SF3B2: variants seen among roughly 807,000 people sequenced by gnomAD.
The protein encoded by SF3B2 is splicing factor 3b subunit 2.
A neutral mutation model predicts 116.3 loss-of-function variants in SF3B2; 22 were observed. The ratio of observed to expected loss-of-function variants is 0.19; its 90% confidence interval spans 0.14 to 0.27. SF3B2 has a LOEUF of 0.27. SF3B2 is among the 10% of genes least tolerant of loss of function. The probability of loss-of-function intolerance (pLI) is 1.00; values close to 1 mark genes in which losing one functional copy is unlikely to be tolerated. For synonymous variants in SF3B2, 406 were observed against 421.6 expected (o/e 0.96, Z 0.45); for missense variants, 767 against 1,151.4 (o/e 0.67, Z 4.83).
rs772658586 is a variant in SF3B2, at chr11:66,052,668, T to C, written c.134-5T>C. On this transcript the variant is annotated splice_polypyrimidine_tract_variant and splice_region_variant and intron_variant, in intron 1 of 21. Coordinates refer to ENST00000322535, the MANE Select transcript of SF3B2 (RefSeq NM_006842.3). Reference sequence around the variant, plus strand: ...GCCCCATTGATCGTGTACTTTGCCCTGCAGGTAATCGCGAGGAGCTGGTGG... The same window carrying C: ...GCCCCATTGATCGTGTACTTTGCCCCGCAGGTAATCGCGAGGAGCTGGTGG... 9 of 1,595,604 alleles carry C rather than the reference T, an allele frequency of 5.6e-6. No homozygotes were observed. In the South Asian group the frequency reaches 7.9e-5, roughly 14 times the overall value.
rs1857241559 is a variant in SF3B2, at chr11:66,068,912, C to A, written c.*167C>A. On this transcript the variant is annotated 3_prime_UTR_variant, in exon 22 of 22. Coordinates refer to ENST00000322535, the MANE Select transcript of SF3B2 (RefSeq NM_006842.3). ...AGGAAAGAGATGAATATTTAACACT[C>A]CTGAGCCTCCCTCATCTCCTTTTAG... 1 of 602,450 alleles carries A rather than the reference C, an allele frequency of 1.7e-6. No individual in the cohort carries two copies. The highest frequency in any genetic ancestry group is 3.0e-6 in the Non-Finnish European group (1 of 338,012). 37.3% of individuals were successfully genotyped at this position (602,450 alleles called of 1,614,324 possible).
chr11:66,065,258 G>A (rs1009588935), intron 19 of SF3B2: 1 of 152,186 alleles, frequency 6.6e-6, no homozygotes, highest in Non-Finnish European at 1.5e-5. Context: ...ATGTGTGAGT[G>A]ACCGCATCAG....
At chr11:66,052,573 G>A in intron 1 of SF3B2, 56 bp downstream of exon 1, 1 of 1,595,066 alleles carries the variant, frequency 6.3e-7, no homozygotes, top group Non-Finnish European at 8.5e-7. Flanking sequence ...AGCGGAGCCT[G>A]GTTACCCGGG....
chr11:66,068,507 C>A, intron 21 of SF3B2, 167 bp from the exon 22 acceptor site: 3 of 861,624 alleles, frequency 3.5e-6, no homozygotes, highest in Middle Eastern at 3.6e-4. Flanking sequence ...TCTTTAAGGA[C>A]GATGAGGGGG....
At chr11:66,054,231 A>G (rs1290672539) in intron 3 of SF3B2, among the ~76,000 whole-genome samples, 1 of 150,452 alleles carries the variant, frequency 6.6e-6, no homozygotes, top group Non-Finnish European at 1.5e-5. Context: ...TAATCCCAGC[A>G]CTTTGGGAGG....
At chr11:66,053,535 C>T (rs1451135414) in intron 3 of SF3B2, 2 of 207,438 alleles carry the variant, frequency 9.6e-6, no homozygotes, top group Non-Finnish European at 2.0e-5. Context: ...TAAAAATTAG[C>T]TGGGCACGGT....
chr11:66,063,424 G>T lies in SF3B2; in HGVS notation c.2110G>T (p.Asp704Tyr). The change falls in exon 18 of 22, where the codon GAT (aspartate) becomes TAT (tyrosine). Residue 704 changes from aspartate (D) to tyrosine (Y), a missense_variant. Coordinates refer to ENST00000322535, the MANE Select transcript of SF3B2 (RefSeq NM_006842.3). ...GACCAAGACTGAGGAAGAAGAGATT[G>T]ATCGGACCCCTTGGGGGGAACTGGA... is the stretch of plus-strand genomic sequence containing the variant. ...FQTKTEEEEI[D>Y]RTPWGELEPS... 6.2e-7 allele frequency: 1 copy of T among 1,613,764 alleles called. No individual in the cohort carries two copies. Among genetic ancestry groups the T allele is most frequent in the Non-Finnish European group, 8.5e-7 (1 of 1,179,824 alleles).
Position 66,067,970 on chromosome 11 carries a change from T to C in SF3B2, c.2355T>C (p.Thr785=). 6.2e-7 allele frequency: 1 copy of C among 1,614,178 alleles called. No individual in the cohort carries two copies. The highest frequency in any genetic ancestry group is 1.6e-4 in the Middle Eastern group (1 of 6,062). Residue 785 remains threonine, a synonymous_variant, in exon 20 of 22, where the codon ACT becomes ACC. Transcript: ENST00000322535. ...GAAGTGAGACACCTCAGCTCTTCAC[T>C]GTGTTGCCAGAGAAGAGAACAGCCA... is the stretch of plus-strand genomic sequence containing the variant. ...MDGSETPQLF[T]VLPEKRTATV...
chr11:66,059,825 C>T lies in SF3B2; in HGVS notation c.1445C>T (p.Ala482Val), dbSNP rs751434640. Residue 482 changes from alanine to valine, a missense_variant, in exon 13 of 22, where the codon GCG becomes GTG. Physicochemically the swap from Ala to Val is moderately conservative, Grantham distance 64 (BLOSUM62 0). Coordinates refer to ENST00000322535, the MANE Select transcript of SF3B2 (RefSeq NM_006842.3). This position sits in a 1 kb window ranked among gnomAD's most constrained non-coding sequence, Gnocchi z 5.0. ...GTCGTGGAGATGCACGATGTGACAG[C>T]GCAGGACCCTAAGCTCTTGGTTCAC... ...PDVVEMHDVTAQDPKLLVHLK... is the reference protein window; with the variant it reads ...PDVVEMHDVTVQDPKLLVHLK... 1.2e-6 allele frequency: 2 copies of T among 1,614,210 alleles called. No homozygotes were observed. The highest frequency in any genetic ancestry group is 2.2e-5 in the South Asian group (2 of 91,084).
intron 16 of SF3B2, among the ~76,000 whole-genome samples, chr11:66,062,581 T>TA (rs1857117789): frequency 6.6e-6 from 1 of 151,450 alleles, no homozygotes; most frequent in African/African-American, 2.4e-5. Context: ...TATTTTAAAA[T>TA]AAGCATTAAA....
In SF3B2 at chr11:66,059,077, G is replaced by A. The variant is rs759983328; in HGVS notation, c.1182+32G>A. The A allele has an allele frequency of 6.2e-7, 1 of 1,610,050 alleles. No homozygotes were observed. The highest frequency in any genetic ancestry group is 1.1e-5 in the South Asian group (1 of 90,946). ...GGAGAGCACACTAGGAAGGGGCAGT[G>A]CCAAACAGGGAAGGGGCTCAGAGGT... On this transcript the variant is annotated intron_variant, in intron 10 of 21. Transcript: ENST00000322535. The surrounding 1 kb of genome is among the most constrained non-coding windows in gnomAD (Gnocchi z 5.0).
At chr11:66,063,868 G>T in intron 19 of SF3B2, 139 bp downstream of exon 19, 1 of 593,112 alleles carries the variant, frequency 1.7e-6, no homozygotes, top group Non-Finnish European at 2.8e-6. Flanking sequence ...TGTAGGCAGT[G>T]AGGAGTCAGC....
chr11:66,055,174 T>C lies in SF3B2; in HGVS notation c.357T>C (p.Phe119=), dbSNP rs375671219. The change falls in exon 4 of 22, where the codon TTT becomes TTC. Residue 119 remains phenylalanine, a synonymous_variant. Coordinates refer to ENST00000322535, the MANE Select transcript of SF3B2 (RefSeq NM_006842.3). ...PPPPPGLGLG[F]PMAHPPNLGP... is the part of the protein sequence containing the mutation. ...CTCCACCAGGCCTTGGCCTTGGCTTTCCTATGGCCCACCCACCAAATTTGG... is the reference window on the plus strand; with the variant it reads ...CTCCACCAGGCCTTGGCCTTGGCTTCCCTATGGCCCACCCACCAAATTTGG... 103 of 1,609,782 alleles carry C rather than the reference T, an allele frequency of 6.4e-5. No homozygotes were observed. Among genetic ancestry groups the C allele is most frequent in the Non-Finnish European group, 8.2e-5 (97 of 1,176,858 alleles).
At chr11:66,053,370 C>T (rs532076108) in intron 3 of SF3B2, 28 of 483,330 alleles carry the variant, frequency 5.8e-5, no homozygotes, top group African/African-American at 7.7e-5. Context: ...TCCTTTTCCA[C>T]TGTCTGCTTC....
chr11:66,067,877 C>A, intron 19 of SF3B2, 69 bp from the exon 20 acceptor site: 2 of 1,319,956 alleles, frequency 1.5e-6, no homozygotes, highest in Non-Finnish European at 2.2e-6. Flanking sequence ...CCACCTGTAT[C>A]TTTTGTTTCC....
chr11:66,068,479 TC>T lies in SF3B2; in HGVS notation c.2616+148del, dbSNP rs1857228656. ...TCCTTAGATTTGGAAGTCTTAGAAA[TC>T]CTCCAGTGGGCTGCCCTCTTTAAGG... On this transcript the variant is annotated intron_variant, in intron 21 of 21. Coordinates refer to ENST00000322535, the MANE Select transcript of SF3B2 (RefSeq NM_006842.3). 8.3e-6 allele frequency: 8 copies of T among 959,136 alleles called. No homozygotes were observed. In the South Asian group the frequency reaches 1.2e-4, roughly 14 times the overall value. 59.4% of individuals were successfully genotyped at this position (959,136 alleles called of 1,614,324 possible). A position where few individuals can be genotyped will look rare whatever the true frequency, so the allele number is the denominator to read the frequency against.
At chr11:66,060,775 G>A in intron 14 of SF3B2, 44 bp downstream of exon 14, 1 of 1,596,950 alleles carries the variant, frequency 6.3e-7, no homozygotes. Context: ...CCTTGGGGTT[G>A]AGACTGTCTA....
At position 66,061,920 on chromosome 11, in the gene SF3B2, G is replaced by A; in HGVS notation, c.1899G>A (p.Leu633=). ...CCCACAAGGTCCCTCCCCCATGGCT[G>A]ATTGCCATGCAGCGATATGGACCAC... ...PNAHKVPPPW[L]IAMQRYGPPP... is the part of the protein sequence containing the mutation. Residue 633 remains leucine, a synonymous_variant, in exon 16 of 22, where the codon CTG becomes CTA. Coordinates refer to ENST00000322535, the MANE Select transcript of SF3B2 (RefSeq NM_006842.3). The A allele has an allele frequency of 6.2e-7, 1 of 1,613,556 alleles. No individual in the cohort carries two copies. The highest frequency in any genetic ancestry group is 8.5e-7 in the Non-Finnish European group (1 of 1,179,808).
chr11:66,069,115 T>C lies in SF3B2; in HGVS notation c.*370T>C. 2.8e-6 allele frequency: 1 copy of C among 361,380 alleles called. No homozygotes were observed. Among genetic ancestry groups the C allele is most frequent in the Non-Finnish European group, 5.4e-6 (1 of 183,682 alleles). 22.4% of individuals were successfully genotyped at this position (361,380 alleles called of 1,614,324 possible). A position where few individuals can be genotyped will look rare whatever the true frequency, so the allele number is the denominator to read the frequency against. On this transcript the variant is annotated 3_prime_UTR_variant, in exon 22 of 22. Transcript: ENST00000322535. ...TAGGAAGGCTTGGGGGAAGTACCTC[T>C]AGGTCTGGTTTGACCTTACTACTTT...
Sources: gnomAD v4.1 joint callset for allele counts (sites outside exome capture counted in the v4.1 genomes callset) on GRCh38, gnomAD v4.1.1 for gene constraint, Gnocchi (gnomAD v3.1) non-coding constraint, MANE v1.5 for transcripts, NCBI Gene and HGNC (gene_info 2026-07-23, HGNC 2026-07-21) for gene names.